SMARCA2: variants seen among roughly 807,000 people sequenced by gnomAD.
SMARCA2 encodes SWI/SNF-related matrix-associated actin-dependent regulator of chromatin subfamily A member 2.
A neutral mutation model predicts 199.8 loss-of-function variants in SMARCA2; 61 were observed. The observed-to-expected ratio is 0.31, with a 90% CI of 0.25 to 0.38. The LOEUF (loss-of-function observed/expected upper bound fraction) is 0.38. SMARCA2 is among the 10% of genes least tolerant of loss of function. SMARCA2 has a pLI of 1.00. For missense variants in SMARCA2, 1,344 were observed against 2,012.2 expected (o/e 0.67, Z 6.35); for synonymous variants, 935 against 732.0 (o/e 1.28, Z -4.48).
chr9:2,108,828 T>G (rs1012782374), intron 23 of SMARCA2, among the ~76,000 whole-genome samples: 4 of 152,158 alleles, frequency 2.6e-5, no homozygotes, highest in African/African-American at 9.7e-5. Flanking sequence ...TCAAAGCATG[T>G]TTAGTGCTCC....
In SMARCA2 at chr9:2,110,240, TC is replaced by T. The variant is rs557444951; in HGVS notation, c.3293-13del. 1.1e-4 allele frequency: 169 copies of T among 1,573,938 alleles called. No homozygotes were observed. Among genetic ancestry groups the T allele is most frequent in the Admixed American group, 1.8e-4 (9 of 50,614 alleles). The stretch of plus-strand genomic sequence containing the variant: ...AAGAGTTAATTGGCAAATTAATTTT[TC>T]TGATCCCCTCAGGCACCACCAAGTC... On this transcript the variant is annotated splice_polypyrimidine_tract_variant and intron_variant, in intron 23 of 33. Transcript: ENST00000349721. The surrounding 1 kb of genome is among the most constrained non-coding windows in gnomAD (Gnocchi z 4.8).
chr9:2,160,312 CTT>C (rs952516500), intron 27 of SMARCA2: 7 of 395,028 alleles, frequency 1.8e-5, no homozygotes, highest in Non-Finnish European at 2.7e-5. Context: ...TGGAAATTGT[CTT>C]TTGATTATTA....
At chr9:2,140,803 T>C (rs370401190) in intron 27 of SMARCA2, among the ~76,000 whole-genome samples, 2 of 152,270 alleles carry the variant, frequency 1.3e-5, no homozygotes, top group South Asian at 2.1e-4. Context: ...CTTCAGTAAA[T>C]CCTAACCCAT....
intron 12 of SMARCA2, among the ~76,000 whole-genome samples, chr9:2,075,922 C>G (rs1004177817): frequency 2.0e-5 from 3 of 152,186 alleles, no homozygotes; most frequent in Non-Finnish European, 4.4e-5. Context: ...CTCTACAGGA[C>G]TCTGATAACC....
At chr9:2,030,445 G>C (rs564759955) in intron 2 of SMARCA2, among the ~76,000 whole-genome samples, 1 of 152,056 alleles carries the variant, frequency 6.6e-6, no homozygotes, top group East Asian at 1.9e-4. Flanking sequence ...TGAGTCCAAA[G>C]AGCCAGAAGA....
chr9:2,048,704 C>G (rs1457536110), intron 5 of SMARCA2, among the ~76,000 whole-genome samples: 1 of 152,166 alleles, frequency 6.6e-6, no homozygotes, highest in Non-Finnish European at 1.5e-5. Flanking sequence ...ATTCTCATCA[C>G]TATTAATAAT....
rs182915548 is a variant in SMARCA2 at position 2,135,887 on chromosome 9, G to C, written c.3981+11950G>C. On this transcript the variant is annotated intron_variant, in intron 27 of 33. Transcript: ENST00000349721. ...GACAGAGTTTTGCTCTGTCGCCCAG[G>C]TTGGAGTGCAATGGTGCAATCTTGG... 4.3e-3 allele frequency among the ~76,000 whole-genome samples: 654 copies of C among 151,262 alleles called. 4 individuals are homozygous for C. Among genetic ancestry groups the C allele is most frequent in the African/African-American group, 0.015 (614 of 41,210 alleles).
In SMARCA2 at chr9:2,147,992, C is replaced by A. The variant is rs986952357; in HGVS notation, c.3982-13694C>A. On this transcript the variant is annotated intron_variant, in intron 27 of 33. Coordinates refer to ENST00000349721, the MANE Select transcript of SMARCA2 (RefSeq NM_003070.5). ...GGGATTACAGGTGTGAGCCACTATA[C>A]CCAGCCATGAATGAGAATCCTAATA... is the stretch of plus-strand genomic sequence containing the variant. 3.3e-5 allele frequency among the ~76,000 whole-genome samples: 5 copies of A among 151,594 alleles called. No homozygotes were observed. The South Asian group carries it at 1.0e-3, about 32-fold the overall frequency.
chr9:2,101,712 C>T, intron 22 of SMARCA2, 96 bp downstream of exon 22: 1 of 635,430 alleles, frequency 1.6e-6, no homozygotes, highest in South Asian at 2.1e-5. Flanking sequence ...CAAATACTTA[C>T]TTCCAGCCCT....
intron 13 of SMARCA2, 79 bp downstream of exon 13, chr9:2,076,408 C>T: frequency 1.1e-6 from 1 of 911,394 alleles, no homozygotes. Context: ...AAATTTTGTT[C>T]AAGGAAGGCA....
At chr9:2,093,940 G>T (rs745507479) in intron 19 of SMARCA2, among the ~76,000 whole-genome samples, 1 of 152,212 alleles carries the variant, frequency 6.6e-6, no homozygotes, top group Non-Finnish European at 1.5e-5. Flanking sequence ...TTGGGAAAAT[G>T]AGCTTCAGCA....
chr9:2,155,193 G>C (rs1357207765), intron 27 of SMARCA2, among the ~76,000 whole-genome samples: 3 of 152,204 alleles, frequency 2.0e-5, no homozygotes, highest in Admixed American at 6.5e-5. Context: ...TCTCCAAATA[G>C]AGTATATTGT....
At chr9:2,116,100 C>G in intron 25 of SMARCA2, 51 bp downstream of exon 25, 5 of 1,342,972 alleles carry the variant, frequency 3.7e-6, no homozygotes, top group South Asian at 1.2e-5. Context: ...CCTTTTGTCT[C>G]TGAAGGACTC....
intron 1 of SMARCA2, among the ~76,000 whole-genome samples, chr9:2,018,569 C>T (rs1190138634): frequency 6.6e-6 from 1 of 152,200 alleles, no homozygotes; most frequent in Non-Finnish European, 1.5e-5. Flanking sequence ...TTTAACATTT[C>T]TGCGTTACCA....
chr9:2,022,169 T>G (rs1285352559), intron 1 of SMARCA2: 1 of 152,182 alleles, frequency 6.6e-6, no homozygotes, highest in Non-Finnish European at 1.5e-5. Flanking sequence ...GTCTCAGAAG[T>G]TTTGAACAAG....
intron 6 of SMARCA2, among the ~76,000 whole-genome samples, chr9:2,054,981 T>C (rs921654093): frequency 9.9e-5 from 15 of 152,216 alleles, no homozygotes; most frequent in Non-Finnish European, 1.3e-4. Flanking sequence ...GTCAGAGTTA[T>C]GGCGTTTTGT....
chr9:2,190,744 G>T (rs1177216484), intron 32 of SMARCA2, among the ~76,000 whole-genome samples: 1 of 152,102 alleles, frequency 6.6e-6, no homozygotes, highest in Non-Finnish European at 1.5e-5. Flanking sequence ...AGGAATGGGG[G>T]AAAGGAAGCA....
intron 27 of SMARCA2, among the ~76,000 whole-genome samples, chr9:2,130,230 T>G (rs904542492): frequency 2.0e-5 from 3 of 152,232 alleles, no homozygotes; most frequent in African/African-American, 4.8e-5. Context: ...GACTCCTGTT[T>G]CCTCCATGGA....
chr9:2,119,683 G>A lies in SMARCA2; in HGVS notation c.3762+148G>A, dbSNP rs1823368843. 5.1e-6 allele frequency: 3 copies of A among 593,466 alleles called. No individual in the cohort carries two copies. The highest frequency in any genetic ancestry group is 5.7e-5 in the Admixed American group (2 of 34,890). 36.8% of individuals were successfully genotyped at this position (593,466 alleles called of 1,614,324 possible). A position where few individuals can be genotyped will look rare whatever the true frequency, so the allele number is the denominator to read the frequency against. On this transcript the variant is annotated intron_variant, in intron 26 of 33. Coordinates refer to ENST00000349721, the MANE Select transcript of SMARCA2 (RefSeq NM_003070.5). The surrounding 1 kb of genome is among the most constrained non-coding windows in gnomAD (Gnocchi z 4.6). ...CAGTTCAGAGGCTGCAAACTGGCTG[G>A]AGTTAGCCTGCAGACATATTTTGTT...
Sources: gnomAD v4.1 joint callset for allele counts (sites outside exome capture counted in the v4.1 genomes callset) on GRCh38, gnomAD v4.1.1 for gene constraint, Gnocchi (gnomAD v3.1) non-coding constraint, MANE v1.5 for transcripts, NCBI Gene and HGNC (gene_info 2026-07-23, HGNC 2026-07-21) for gene names.